The following TMEM117 variants were observed in gnomAD, a reference collection of about 807,000 sequenced individuals.
The protein encoded by TMEM117 is transmembrane protein 117.
In TMEM117, 27 loss-of-function variants were observed where a neutral mutation model predicts 52.4. The observed-to-expected ratio is 0.51, with a 90% CI of 0.38 to 0.71. The LOEUF is 0.71. Among genes scored for constraint, TMEM117 ranks in the 30% least tolerant of loss-of-function variants. TMEM117 has a pLI of 0.00. For synonymous variants in TMEM117, 215 were observed against 206.3 expected (o/e 1.04, Z -0.36); for missense variants, 556 against 630.5 (o/e 0.88, Z 1.26).
intron 5 of TMEM117, among the ~76,000 whole-genome samples, chr12:44,283,290 AC>A (rs1858602009): frequency 6.6e-6 from 1 of 152,120 alleles, no homozygotes; most frequent in African/African-American, 2.4e-5. Context: ...AGAATGGTAG[AC>A]CCACCAAGAG....
chr12:44,236,887 C>T (rs1950003578), intron 5 of TMEM117, among the ~76,000 whole-genome samples: 1 of 152,010 alleles, frequency 6.6e-6, no homozygotes, highest in African/African-American at 2.4e-5. Flanking sequence ...TCAAAGTTCA[C>T]CTGTCATAAG....
intron 2 of TMEM117, among the ~76,000 whole-genome samples, chr12:43,941,650 G>A (rs573419949): frequency 1.9e-4 from 29 of 152,164 alleles, no homozygotes; most frequent in Non-Finnish European, 3.7e-4. Context: ...TAGCTTATGG[G>A]AAATTTTTAT....
At chr12:43,863,815 C>T (rs1943532189) in intron 2 of TMEM117, among the ~76,000 whole-genome samples, 1 of 152,250 alleles carries the variant, frequency 6.6e-6, no homozygotes. Flanking sequence ...AGGAGCCCTT[C>T]AGCCTGCCAC....
At chr12:43,800,354 C>T in the TMEM117 span, 1,239 of 920,418 alleles carry the variant, frequency 1.3e-3, 12 homozygotes, top group African/African-American at 0.017. Context: ...CATCTGAATT[C>T]GTATCAATTA....
the TMEM117 span, among the ~76,000 whole-genome samples, chr12:43,827,159 A>G: frequency 6.6e-6 from 1 of 151,970 alleles, no homozygotes; most frequent in Non-Finnish European, 1.5e-5. Context: ...TGTCACCTCA[A>G]AGGAAATCTG....
chr12:44,331,878 C>A (rs1273529233), intron 6 of TMEM117, among the ~76,000 whole-genome samples: 2 of 152,062 alleles, frequency 1.3e-5, no homozygotes, highest in African/African-American at 4.8e-5. Flanking sequence ...CTTGCTAATT[C>A]ATTGACTGAT....
intron 2 of TMEM117, among the ~76,000 whole-genome samples, chr12:43,935,646 T>C (rs1312018609): frequency 6.6e-6 from 1 of 152,254 alleles, no homozygotes; most frequent in Non-Finnish European, 1.5e-5. Context: ...AATCTCGGAA[T>C]TGGTCTGGAT....
chr12:44,261,774 T>A (rs1021420836), intron 5 of TMEM117, among the ~76,000 whole-genome samples: 1 of 152,210 alleles, frequency 6.6e-6, no homozygotes, highest in Admixed American at 6.6e-5. Context: ...AACCTTCACA[T>A]GCGCAGCATT....
chr12:44,039,192 C>T (rs997705755), intron 3 of TMEM117, among the ~76,000 whole-genome samples: 1 of 152,114 alleles, frequency 6.6e-6, no homozygotes, highest in African/African-American at 2.4e-5. Context: ...TGTTTTAAAG[C>T]TTTACCTAGA....
chr12:43,861,867 A>G (rs1329764055), intron 2 of TMEM117, among the ~76,000 whole-genome samples: 1 of 152,148 alleles, frequency 6.6e-6, no homozygotes, highest in East Asian at 1.9e-4. Context: ...AAAATATACA[A>G]TTGTGGTCGG....
intron 4 of TMEM117, among the ~76,000 whole-genome samples, chr12:44,168,679 A>G (rs1471152079): frequency 1.3e-5 from 2 of 152,188 alleles, no homozygotes; most frequent in Non-Finnish European, 2.9e-5. Flanking sequence ...CTTTTGAGCT[A>G]AAATATATTT....
intron 2 of TMEM117, among the ~76,000 whole-genome samples, chr12:43,899,472 A>G (rs964600290): frequency 7.2e-5 from 11 of 152,204 alleles, no homozygotes; most frequent in Non-Finnish European, 1.5e-4. Flanking sequence ...AAGTGGCAAT[A>G]ATAACCAGCC....
chr12:44,303,203 C>G (rs537308213), intron 6 of TMEM117, among the ~76,000 whole-genome samples: 4 of 152,012 alleles, frequency 2.6e-5, no homozygotes, highest in African/African-American at 9.7e-5. Flanking sequence ...ACCACCATAC[C>G]TGGCTAATTT....
chr12:44,348,762 G>A (rs1951524772), intron 6 of TMEM117, among the ~76,000 whole-genome samples: 1 of 151,980 alleles, frequency 6.6e-6, no homozygotes, highest in Admixed American at 6.6e-5. Flanking sequence ...GTGATGGCAA[G>A]TAGGATCAAA....
At chr12:44,033,197 C>A (rs1946660020) in intron 3 of TMEM117, among the ~76,000 whole-genome samples, 1 of 152,126 alleles carries the variant, frequency 6.6e-6, no homozygotes, top group Non-Finnish European at 1.5e-5. Flanking sequence ...GATGCCTTGG[C>A]AACATCAGGA....
rs1367034773 is a variant in TMEM117, at chr12:44,205,732, A to G, written c.511-5558A>G. Among the ~76,000 whole-genome samples the G allele has an allele frequency of 2.6e-5, 4 of 152,336 alleles. No homozygotes were observed. In the East Asian group the frequency reaches 7.7e-4, roughly 29 times the overall value. On this transcript the variant is annotated intron_variant, in intron 4 of 7. Transcript: ENST00000266534. ...AATAAGATACCATCTCACACTAGTT[A>G]GAATGGCTATTAAAAAGAAAAAAAA...
intron 3 of TMEM117, among the ~76,000 whole-genome samples, chr12:44,055,460 G>A (rs1001315046): frequency 6.6e-6 from 1 of 152,082 alleles, no homozygotes; most frequent in African/African-American, 2.4e-5. Flanking sequence ...ATTCACTGTA[G>A]CATATTAAAC....
chr12:44,385,023 G>T (rs1187833841), intron 7 of TMEM117, among the ~76,000 whole-genome samples: 2 of 152,130 alleles, frequency 1.3e-5, no homozygotes, highest in African/African-American at 2.4e-5. Context: ...GCAGAATTAT[G>T]GAACTGGAAG....
chr12:43,870,253 G>A (rs929713261), intron 2 of TMEM117, among the ~76,000 whole-genome samples: 1 of 150,796 alleles, frequency 6.6e-6, no homozygotes, highest in Non-Finnish European at 1.5e-5. Context: ...CAGTGTGCAT[G>A]TGTCTTTTTT....
Sources: allele counts gnomAD v4.1 joint callset (sites outside exome capture counted in the v4.1 genomes callset), GRCh38; gene constraint gnomAD v4.1.1; transcripts MANE v1.5; gene names NCBI Gene and HGNC (gene_info 2026-07-23, HGNC 2026-07-21).